THSD7A: variants seen among roughly 807,000 people sequenced by gnomAD.
THSD7A encodes thrombospondin type 1 domain containing 7A, also known as thrombospondin type-1 domain-containing protein 7A.
A neutral mutation model predicts 231.3 loss-of-function variants in THSD7A; 96 were observed. The ratio of observed to expected loss-of-function variants is 0.41; its 90% CI spans 0.35 to 0.49. THSD7A has a LOEUF of 0.49. Among genes scored for constraint, THSD7A ranks in the 20% least tolerant of loss-of-function variants. The probability of loss-of-function intolerance (pLI) is 0.05; values close to 1 mark genes in which losing one functional copy is unlikely to be tolerated. For missense variants in THSD7A, 2,290 were observed against 2,070.2 expected (o/e 1.11, Z -2.06); for synonymous variants, 940 against 743.3 (o/e 1.26, Z -4.30).
At chr7:11,509,634 C>T (rs1787706956) in intron 6 of THSD7A, among the ~76,000 whole-genome samples, 1 of 150,808 alleles carries the variant, frequency 6.6e-6, no homozygotes, top group Non-Finnish European at 1.5e-5. Context: ...AGATCGAGAC[C>T]ACGGTGAAAC....
At chr7:11,475,369 C>A (rs1377520550) in intron 7 of THSD7A, among the ~76,000 whole-genome samples, 2 of 151,900 alleles carry the variant, frequency 1.3e-5, no homozygotes, top group Non-Finnish European at 2.9e-5. Flanking sequence ...GGAGATTCTG[C>A]GGCAGCACAG....
intron 1 of THSD7A, among the ~76,000 whole-genome samples, chr7:11,695,147 T>C (rs1192327324): frequency 6.6e-6 from 1 of 151,558 alleles, no homozygotes; most frequent in Non-Finnish European, 1.5e-5. Flanking sequence ...TATCTGACTT[T>C]AAGTTTCATA....
intron 23 of THSD7A, among the ~76,000 whole-genome samples, chr7:11,383,453 T>TATC (rs1782605022): frequency 6.6e-6 from 1 of 152,010 alleles, no homozygotes; most frequent in Admixed American, 6.6e-5. Context: ...TTAAATTACA[T>TATC]ATCTAGAAGG....
intron 1 of THSD7A, among the ~76,000 whole-genome samples, chr7:11,643,456 T>G (rs1782161601): frequency 6.6e-6 from 1 of 152,124 alleles, no homozygotes; most frequent in African/African-American, 2.4e-5. Context: ...TCATCGTATT[T>G]TGCTGTCCTT....
intron 6 of THSD7A, among the ~76,000 whole-genome samples, chr7:11,494,082 T>C (rs1787004252): frequency 6.6e-6 from 1 of 152,040 alleles, no homozygotes. Flanking sequence ...GAAAATAGTC[T>C]CTAAAATTGA....
chr7:11,533,963 C>T (rs1345538346), intron 6 of THSD7A, among the ~76,000 whole-genome samples: 1 of 152,100 alleles, frequency 6.6e-6, no homozygotes, highest in Non-Finnish European at 1.5e-5. Flanking sequence ...TGGGAGAGTG[C>T]TTTTCCACTC....
intron 6 of THSD7A, among the ~76,000 whole-genome samples, chr7:11,536,750 A>G (rs544239353): frequency 6.6e-6 from 1 of 152,178 alleles, no homozygotes; most frequent in South Asian, 2.1e-4. Flanking sequence ...GACCTGGCCT[A>G]TGCTTCTGGA....
chr7:11,492,311 C>A (rs984811816), intron 6 of THSD7A, among the ~76,000 whole-genome samples: 24 of 151,956 alleles, frequency 1.6e-4, no homozygotes, highest in Non-Finnish European at 2.8e-4. Context: ...TCTTTCTGTA[C>A]TCCTACTGCT....
rs912832249 is a variant in THSD7A, at chr7:11,405,950, C to A, written c.4237+350G>T. 2.0e-5 allele frequency among the ~76,000 whole-genome samples: 3 copies of A among 152,302 alleles called. 1 individual carries two copies. In the Middle Eastern group the frequency reaches 0.01, roughly 518 times the overall value. ...TGTATTTAAACATTGGCCTCTCTTT[C>A]TCTCTTCTGGAAATCCCGAATAGGT... On this transcript the variant is annotated intron_variant, in intron 22 of 27. Coordinates refer to ENST00000423059, the MANE Select transcript of THSD7A (RefSeq NM_015204.3).
chr7:11,830,349 G>A (rs963134599), intron 1 of THSD7A, among the ~76,000 whole-genome samples: 7 of 152,132 alleles, frequency 4.6e-5, no homozygotes, highest in African/African-American at 1.7e-4. Flanking sequence ...CTCTCCCCAA[G>A]CATCCATATG....
At chr7:11,505,939 T>A (rs11764309) in intron 6 of THSD7A, among the ~76,000 whole-genome samples, 5 of 152,002 alleles carry the variant, frequency 3.3e-5, no homozygotes, top group African/African-American at 9.7e-5. Flanking sequence ...TAAGAGTGCT[T>A]TGCAAAGAGC....
chr7:11,591,113 T>C (rs563045253), intron 3 of THSD7A, among the ~76,000 whole-genome samples: 2 of 151,736 alleles, frequency 1.3e-5, no homozygotes, highest in Non-Finnish European at 2.9e-5. Flanking sequence ...TTAAAAATTA[T>C]AAGACAATAA....
At chr7:11,749,274 C>T (rs1782419679) in intron 1 of THSD7A, among the ~76,000 whole-genome samples, 1 of 151,926 alleles carries the variant, frequency 6.6e-6, no homozygotes. Flanking sequence ...CACAGTGCCT[C>T]AGTATTTTTC....
At chr7:11,783,209 G>T (rs1783687638) in intron 1 of THSD7A, among the ~76,000 whole-genome samples, 2 of 152,128 alleles carry the variant, frequency 1.3e-5, no homozygotes, top group African/African-American at 4.8e-5. Context: ...AGTGGAAAAT[G>T]CATTTAATAC....
chr7:11,683,729 A>T (rs560513800), intron 1 of THSD7A, among the ~76,000 whole-genome samples: 1 of 151,858 alleles, frequency 6.6e-6, no homozygotes, highest in South Asian at 2.1e-4. Context: ...AATGAGTGAT[A>T]AAAAAACTAC....
At chr7:11,663,396 ATAACT>A (rs1783007138) in intron 1 of THSD7A, among the ~76,000 whole-genome samples, 1 of 151,582 alleles carries the variant, frequency 6.6e-6, no homozygotes, top group African/African-American at 2.4e-5. Context: ...TTTGGCCCTG[ATAACT>A]TAATTGGTTA....
chr7:11,500,629 A>C (rs1787292079), intron 6 of THSD7A, among the ~76,000 whole-genome samples: 2 of 152,052 alleles, frequency 1.3e-5, no homozygotes, highest in South Asian at 4.2e-4. Flanking sequence ...AAAATCTACC[A>C]AGCAAATGGA....
chr7:11,789,247 T>C (rs1000390540), intron 1 of THSD7A, among the ~76,000 whole-genome samples: 6 of 152,002 alleles, frequency 3.9e-5, no homozygotes, highest in Non-Finnish European at 7.4e-5. Context: ...AGAAATTAGA[T>C]CAGAAAGATG....
At chr7:11,509,775 T>A (rs1355549867) in intron 6 of THSD7A, among the ~76,000 whole-genome samples, 2 of 121,082 alleles carry the variant, frequency 1.7e-5, no homozygotes, top group Non-Finnish European at 3.4e-5. Context: ...TGAGCCGAGA[T>A]CAGGCCACTG....
Sources: allele counts gnomAD v4.1 joint callset (sites outside exome capture counted in the v4.1 genomes callset), GRCh38; gene constraint gnomAD v4.1.1; transcripts MANE v1.5; gene names NCBI Gene and HGNC (gene_info 2026-07-23, HGNC 2026-07-21).